The following UTRN variants were observed in gnomAD, a reference collection of about 807,000 sequenced individuals.
UTRN encodes utrophin.
Under a neutral mutation model 463.9 loss-of-function variants are expected in UTRN, and 283 were observed. The observed-to-expected ratio is 0.61, with a 90% confidence interval of 0.55 to 0.67. The LOEUF (loss-of-function observed/expected upper bound fraction) is 0.67. UTRN is among the 30% of genes least tolerant of loss of function. The pLI, the probability that UTRN is intolerant of heterozygous loss-of-function variation, is 0.00. For missense variants in UTRN, 3,922 were observed against 4,084.3 expected (o/e 0.96, Z 1.08); for synonymous variants, 1,442 against 1,431.5 (o/e 1.01, Z -0.17).
intron 52 of UTRN, among the ~76,000 whole-genome samples, chr6:144,684,067 T>G (rs865922826): frequency 2.1e-4 from 31 of 151,090 alleles, no homozygotes; most frequent in Middle Eastern, 6.8e-3. Flanking sequence ...TTTTTTTTTT[T>G]GAGACAGAGT....
chr6:144,741,699 A>G (rs901389701), intron 54 of UTRN, among the ~76,000 whole-genome samples: 5 of 152,178 alleles, frequency 3.3e-5, no homozygotes, highest in Admixed American at 3.3e-4. Context: ...TCCTGAATGA[A>G]GAAAATGGAA....
At chr6:144,725,323 C>G (rs1488425397) in intron 53 of UTRN, among the ~76,000 whole-genome samples, 3 of 152,192 alleles carry the variant, frequency 2.0e-5, no homozygotes, top group Non-Finnish European at 2.9e-5. Context: ...TCCATTGAAT[C>G]TCTTTCCTTT....
At chr6:144,492,739 G>A (rs890580558) in intron 32 of UTRN, among the ~76,000 whole-genome samples, 1 of 152,122 alleles carries the variant, frequency 6.6e-6, no homozygotes, top group African/African-American at 2.4e-5. Context: ...GTATCTTATT[G>A]TGGTTTTGAT....
intron 51 of UTRN, among the ~76,000 whole-genome samples, chr6:144,657,648 G>C (rs564841280): frequency 1.3e-5 from 2 of 152,130 alleles, no homozygotes; most frequent in African/African-American, 4.8e-5. Context: ...TATCATTCTT[G>C]TCTTGTTATA....
intron 23 of UTRN, among the ~76,000 whole-genome samples, chr6:144,464,555 C>T (rs1055541153): frequency 6.6e-6 from 1 of 151,614 alleles, no homozygotes; most frequent in Non-Finnish European, 1.5e-5. Context: ...GGCTGGAGTG[C>T]CATGGTGCAA....
At chr6:144,554,927 T>G (rs1562567060) in intron 49 of UTRN, 34 bp downstream of exon 49, 1 of 1,606,880 alleles carries the variant, frequency 6.2e-7, no homozygotes, top group African/African-American at 1.3e-5. Context: ...GGCAGTATTG[T>G]TTTGTTGGAT....
At chr6:144,772,438 T>G (rs1414905289) in intron 59 of UTRN, among the ~76,000 whole-genome samples, 1 of 152,220 alleles carries the variant, frequency 6.6e-6, no homozygotes, top group Admixed American at 6.5e-5. Flanking sequence ...CTAAGGGCAA[T>G]GCAGTAAACA....
At chr6:144,822,208 T>C (rs1779662762) in intron 66 of UTRN, among the ~76,000 whole-genome samples, 1 of 152,110 alleles carries the variant, frequency 6.6e-6, no homozygotes, top group Non-Finnish European at 1.5e-5. Context: ...AAAATAGATT[T>C]TTTTAAATCC....
chr6:144,477,763 A>G (rs773659911), intron 25 of UTRN, among the ~76,000 whole-genome samples: 3 of 152,206 alleles, frequency 2.0e-5, no homozygotes, highest in Non-Finnish European at 4.4e-5. Flanking sequence ...TCAATGTGCT[A>G]TAATCTGATG....
At chr6:144,345,334 A>G (rs955204955) in intron 2 of UTRN, among the ~76,000 whole-genome samples, 2 of 152,182 alleles carry the variant, frequency 1.3e-5, no homozygotes, top group East Asian at 3.8e-4. Flanking sequence ...TTAAATAACC[A>G]TGTGATCCCA....
chr6:144,683,918 A>T (rs1782466964), intron 52 of UTRN, among the ~76,000 whole-genome samples: 1 of 152,152 alleles, frequency 6.6e-6, no homozygotes, highest in Admixed American at 6.5e-5. Context: ...TTGCTTCTCC[A>T]TCTTTCAACA....
At chr6:144,740,193 A>T (rs1356156592) in intron 54 of UTRN, among the ~76,000 whole-genome samples, 2 of 152,258 alleles carry the variant, frequency 1.3e-5, no homozygotes, top group Non-Finnish European at 2.9e-5. Flanking sequence ...CTTAACTGCC[A>T]TAGTGTACTA....
intron 52 of UTRN, among the ~76,000 whole-genome samples, chr6:144,681,261 C>G (rs1437290978): frequency 1.3e-5 from 2 of 152,042 alleles, no homozygotes; most frequent in Non-Finnish European, 2.9e-5. Flanking sequence ...TGTCCAGAGA[C>G]AGGTGGCAGG....
chr6:144,430,027 A>G (rs1785654585), intron 9 of UTRN, among the ~76,000 whole-genome samples: 1 of 152,214 alleles, frequency 6.6e-6, no homozygotes, highest in Non-Finnish European at 1.5e-5. Flanking sequence ...CTATGTTTTC[A>G]CATCATCTGG....
At chr6:144,754,979 A>G (rs559266728) in intron 57 of UTRN, among the ~76,000 whole-genome samples, 181 bp downstream of exon 57, 36 of 152,300 alleles carry the variant, frequency 2.4e-4, no homozygotes, top group Admixed American at 1.0e-3. Context: ...ACGTAATGAC[A>G]ACTGAGAAGT....
In UTRN at chr6:144,490,210, C is replaced by A; in HGVS notation, c.4263+11C>A. On this transcript the variant is annotated intron_variant, in intron 31 of 74. Coordinates refer to ENST00000367545, the MANE Select transcript of UTRN (RefSeq NM_007124.3). ...ATGGATGTGCTACAGGTAAAGAAGG[C>A]CAGGAGCTTCCTTTTACTTTTCAAC... 1 of 1,581,276 alleles carries A rather than the reference C, an allele frequency of 6.3e-7. No individual in the cohort carries two copies. Among genetic ancestry groups the A allele is most frequent in the Non-Finnish European group, 8.5e-7 (1 of 1,170,784 alleles).
In UTRN at chr6:144,550,954, C is replaced by A; in HGVS notation, c.6811-11C>A. 6.3e-7 allele frequency: 1 copy of A among 1,583,658 alleles called. No homozygotes were observed. Among genetic ancestry groups the A allele is most frequent in the South Asian group, 1.2e-5 (1 of 85,558 alleles). On this transcript the variant is annotated splice_polypyrimidine_tract_variant and intron_variant, in intron 47 of 74. Coordinates refer to ENST00000367545, the MANE Select transcript of UTRN (RefSeq NM_007124.3). ...TATTAACCTATCCGAATAATCATTT[C>A]TACTTAACAGATTACAAAGGCTGAC...
chr6:144,669,631 G>T (rs992254214), intron 51 of UTRN, among the ~76,000 whole-genome samples: 2 of 151,950 alleles, frequency 1.3e-5, no homozygotes, highest in Non-Finnish European at 2.9e-5. Flanking sequence ...GTGATGTTTG[G>T]TTACATCCAT....
At chr6:144,657,600 G>A (rs181932707) in intron 51 of UTRN, among the ~76,000 whole-genome samples, 10 of 152,130 alleles carry the variant, frequency 6.6e-5, no homozygotes, top group African/African-American at 2.2e-4. Context: ...TTTAACCTTG[G>A]GTGTGGATAC....
Sources: gnomAD v4.1 joint callset for allele counts (sites outside exome capture counted in the v4.1 genomes callset) on GRCh38, gnomAD v4.1.1 for gene constraint, MANE v1.5 for transcripts, NCBI Gene and HGNC (gene_info 2026-07-23, HGNC 2026-07-21) for gene names.